FBXO28: variants seen among roughly 807,000 people sequenced by gnomAD.
The protein encoded by FBXO28 is F-box protein 28.
In FBXO28, 8 loss-of-function variants were observed where a neutral mutation model predicts 38.1. The ratio of observed to expected loss-of-function variants is 0.21; its 90% CI spans 0.12 to 0.38. The LOEUF (loss-of-function observed/expected upper bound fraction) is 0.38, where lower values mean the gene tolerates loss of function less well. Ranked by LOEUF, FBXO28 falls within the 10% of genes least tolerant of loss-of-function variation. The pLI, the probability that FBXO28 is intolerant of heterozygous loss-of-function variation, is 1.00. For missense variants in FBXO28, 345 were observed against 460.6 expected (o/e 0.75, Z 2.30); for synonymous variants, 168 against 173.8 (o/e 0.97, Z 0.26).
intron 3 of FBXO28, among the ~76,000 whole-genome samples, chr1:224,148,425 C>T (rs1288219071): frequency 4.0e-5 from 6 of 151,874 alleles, no homozygotes; most frequent in South Asian, 4.1e-4. Flanking sequence ...CCGAGGCAGG[C>T]GGATCATGAG....
intron 3 of FBXO28, among the ~76,000 whole-genome samples, chr1:224,134,650 A>T (rs1041179771): frequency 6.6e-6 from 1 of 152,204 alleles, no homozygotes; most frequent in Non-Finnish European, 1.5e-5. Flanking sequence ...TTTGACAAGA[A>T]TAAACAATTG....
intron 3 of FBXO28, among the ~76,000 whole-genome samples, chr1:224,142,613 C>G (rs941672182): frequency 6.6e-6 from 1 of 151,656 alleles, no homozygotes; most frequent in Non-Finnish European, 1.5e-5. Flanking sequence ...GTCAGGAGTT[C>G]AAGACCAGCC....
At chr1:224,147,221 A>G (rs2102630612) in intron 3 of FBXO28, among the ~76,000 whole-genome samples, 1 of 151,818 alleles carries the variant, frequency 6.6e-6, no homozygotes, top group South Asian at 2.1e-4. Flanking sequence ...TCAAGAGTTC[A>G]AGACCAGCCT....
intron 1 of FBXO28, among the ~76,000 whole-genome samples, chr1:224,115,095 A>T (rs1656615665): frequency 6.6e-6 from 1 of 151,944 alleles, no homozygotes; most frequent in South Asian, 2.1e-4. Context: ...TCTCTTTTGC[A>T]ATTTATTTTT....
In FBXO28 at chr1:224,114,180, A is replaced by G; in HGVS notation, c.51A>G (p.Gln17=). 1 of 1,547,460 alleles carries G rather than the reference A, an allele frequency of 6.5e-7. No homozygotes were observed. The highest frequency in any genetic ancestry group is 1.2e-5 in the South Asian group (1 of 83,882). The change falls in exon 1 of 5, where the codon CAA becomes CAG. Residue 17 remains glutamine, a synonymous_variant. Coordinates refer to ENST00000366862, the MANE Select transcript of FBXO28 (RefSeq NM_015176.4). ...ERMAEEGGGG[Q]GDGGSSLASG... is the part of the protein sequence containing the mutation. ...TGGCAGAGGAAGGAGGCGGCGGCCA[A>G]GGCGACGGCGGTTCCTCTTTGGCCT... is the stretch of plus-strand genomic sequence containing the variant.
chr1:224,131,300 TC>T lies in FBXO28; in HGVS notation c.377+723del, dbSNP rs200119563. Among the ~76,000 whole-genome samples the T allele has an allele frequency of 7.2e-3, 1,087 of 151,316 alleles. 13 individuals carry two copies. The highest frequency in any genetic ancestry group is 0.024 in the African/African-American group (988 of 41,266). On this transcript the variant is annotated intron_variant, in intron 2 of 4. Coordinates refer to ENST00000366862, the MANE Select transcript of FBXO28 (RefSeq NM_015176.4). ...AAAAATTCAGCTGTCTTTTTTTTTT[TC>T]CCCAAAACTTGATACACTGATCCTA...
At chr1:224,152,162 TC>T (rs1205522496) in intron 3 of FBXO28, among the ~76,000 whole-genome samples, 79 of 152,014 alleles carry the variant, frequency 5.2e-4, no homozygotes, top group African/African-American at 1.7e-3. Flanking sequence ...CACTTACTGT[TC>T]CAGCAAGAGA....
chr1:224,127,567 A>G (rs1656936230), intron 1 of FBXO28, among the ~76,000 whole-genome samples: 1 of 152,206 alleles, frequency 6.6e-6, no homozygotes, highest in East Asian at 1.9e-4. Context: ...CACTGAACAA[A>G]TACTGATAAC....
intron 1 of FBXO28, among the ~76,000 whole-genome samples, chr1:224,129,719 G>A (rs1235145920): frequency 1.3e-5 from 2 of 152,070 alleles, no homozygotes; most frequent in East Asian, 3.9e-4. Flanking sequence ...GCTGGGCACG[G>A]TGGCTCACAC....
intron 3 of FBXO28, among the ~76,000 whole-genome samples, chr1:224,152,427 C>T (rs2102634402): frequency 6.6e-6 from 1 of 152,314 alleles, no homozygotes; most frequent in Non-Finnish European, 1.5e-5. Context: ...TCCAACCCTA[C>T]CCAGCTCCCA....
intron 4 of FBXO28, among the ~76,000 whole-genome samples, chr1:224,155,532 G>C (rs985051657): frequency 5.3e-5 from 8 of 152,164 alleles, no homozygotes; most frequent in African/African-American, 1.9e-4. Flanking sequence ...CTAAATAACT[G>C]TTTTTGCAAA....
At position 224,157,895 on chromosome 1, in the gene FBXO28, T is replaced by G. The variant is rs1657808737; in HGVS notation, c.*149T>G. On this transcript the variant is annotated 3_prime_UTR_variant, in exon 5 of 5. Coordinates refer to ENST00000366862, the MANE Select transcript of FBXO28 (RefSeq NM_015176.4). Reference sequence around the variant, plus strand: ...ACTTGAACTCTTATGGTTGGGACATTCTTTTCCTGCTTCTCCTGATTGAAC... The same window carrying G: ...ACTTGAACTCTTATGGTTGGGACATGCTTTTCCTGCTTCTCCTGATTGAAC... The G allele has an allele frequency of 6.3e-6, 9 of 1,424,082 alleles. No individual in the cohort carries two copies. The highest frequency in any genetic ancestry group is 8.2e-6 in the Non-Finnish European group (9 of 1,096,106). 88.2% of individuals were successfully genotyped at this position (1,424,082 alleles called of 1,614,324 possible). A position where few individuals can be genotyped will look rare whatever the true frequency, so the allele number is the denominator to read the frequency against.
intron 3 of FBXO28, among the ~76,000 whole-genome samples, chr1:224,136,780 C>A (rs1043087579): frequency 6.6e-6 from 1 of 151,202 alleles, no homozygotes; most frequent in Non-Finnish European, 1.5e-5. Context: ...GAGATGGGGT[C>A]TCGTTCTGTC....
At chr1:224,119,590 T>C (rs755656785) in intron 1 of FBXO28, among the ~76,000 whole-genome samples, 7 of 152,178 alleles carry the variant, frequency 4.6e-5, no homozygotes, top group Non-Finnish European at 8.8e-5. Flanking sequence ...AGTAACTCTG[T>C]CCACTGTGTC....
At chr1:224,119,135 CTTTT>C (rs67458349) in intron 1 of FBXO28, among the ~76,000 whole-genome samples, 11 of 109,908 alleles carry the variant, frequency 1.0e-4, no homozygotes, top group Non-Finnish European at 8.6e-5. Flanking sequence ...TCTTTTTTTT[CTTTT>C]TTTTTTTTTT....
rs554818428 is a variant in FBXO28, at chr1:224,155,495, A to C, written c.713-1857A>C. On this transcript the variant is annotated intron_variant, in intron 4 of 4. Transcript: ENST00000366862. ...TTTAAAAGAAAGGGTTCATAAGGCTATTTTGAACAGTATCACTTCATCTGT... is the reference window on the plus strand; with the variant it reads ...TTTAAAAGAAAGGGTTCATAAGGCTCTTTTGAACAGTATCACTTCATCTGT... 2.6e-5 allele frequency among the ~76,000 whole-genome samples: 4 copies of C among 152,318 alleles called. No individual in the cohort carries two copies. In the East Asian group the frequency reaches 5.8e-4, roughly 22 times the overall value.
intron 3 of FBXO28, among the ~76,000 whole-genome samples, chr1:224,146,083 A>AT (rs1327136578): frequency 1.3e-5 from 2 of 151,588 alleles, no homozygotes; most frequent in African/African-American, 4.9e-5. Context: ...AAAAAAAAAA[A>AT]ATTATCCGGG....
intron 3 of FBXO28, among the ~76,000 whole-genome samples, chr1:224,151,335 C>G (rs1457178066): frequency 6.6e-6 from 1 of 152,174 alleles, no homozygotes; most frequent in Admixed American, 6.6e-5. Flanking sequence ...CTGTTCAGTT[C>G]TCCAAGCCCA....
rs372471075 is a variant in FBXO28 at position 224,129,022 on chromosome 1, G to A, written c.268-1450G>A. ...AAAAAAACTATATTAAGGATTCAAAGTAGTTGATGTTCTACTACACATGCT... is the reference window on the plus strand; with the variant it reads ...AAAAAAACTATATTAAGGATTCAAAATAGTTGATGTTCTACTACACATGCT... On this transcript the variant is annotated intron_variant, in intron 1 of 4. Transcript: ENST00000366862. Among the ~76,000 whole-genome samples the A allele has an allele frequency of 2.6e-4, 39 of 148,462 alleles. No homozygotes were observed. The East Asian group carries it at 4.3e-3, about 17-fold the overall frequency.
Sources: gnomAD v4.1 joint callset for allele counts (sites outside exome capture counted in the v4.1 genomes callset) on GRCh38, gnomAD v4.1.1 for gene constraint, MANE v1.5 for transcripts, NCBI Gene and HGNC (gene_info 2026-07-23, HGNC 2026-07-21) for gene names.